Variants in STMN4 observed in about 807,000 individuals in gnomAD.
STMN4 encodes stathmin-4.
In STMN4, 12 loss-of-function variants were observed where a neutral mutation model predicts 29.1. The ratio of observed to expected loss-of-function variants is 0.41; its 90% CI spans 0.26 to 0.67. The LOEUF (loss-of-function observed/expected upper bound fraction) is 0.67, where lower values mean the gene tolerates loss of function less well. Among genes scored for constraint, STMN4 ranks in the 30% least tolerant of loss-of-function variants. STMN4 has a pLI of 0.30. For missense variants in STMN4, 181 were observed against 262.8 expected (o/e 0.69, Z 2.15); for synonymous variants, 114 against 105.3 (o/e 1.08, Z -0.51).
chr8:27,253,098 C>T (rs1801839221), intron 1 of STMN4, among the ~76,000 whole-genome samples: 1 of 152,234 alleles, frequency 6.6e-6, no homozygotes, highest in South Asian at 2.1e-4. Context: ...AGCCATGGAG[C>T]TCTCTAGAGT....
chr8:27,251,588 G>A (rs369966998), intron 1 of STMN4, among the ~76,000 whole-genome samples: 2 of 151,748 alleles, frequency 1.3e-5, no homozygotes, highest in South Asian at 4.1e-4. Flanking sequence ...TATAAATAAT[G>A]CTTTAATTAC....
chr8:27,248,149 G>T (rs1801682056), intron 1 of STMN4, among the ~76,000 whole-genome samples: 1 of 152,218 alleles, frequency 6.6e-6, no homozygotes, highest in South Asian at 2.1e-4. Context: ...AAGAGCCAAG[G>T]CCTCCCTGGG....
At chr8:27,244,260 G>T (rs1367544777) in intron 1 of STMN4, among the ~76,000 whole-genome samples, 1 of 152,220 alleles carries the variant, frequency 6.6e-6, no homozygotes, top group Admixed American at 6.5e-5. Flanking sequence ...TCTGATATGG[G>T]AAGAGAGGGA....
Position 27,243,798 on chromosome 8 carries a change from C to G in STMN4, c.-75G>C. On this transcript the variant is annotated 5_prime_UTR_variant, in exon 2 of 7. Transcript: ENST00000350889. Reference sequence around the variant, plus strand: ...TGTCACCAGCTTGGGACGCTGTCACCAACCTGAGAAAAGGGGAGGACAGGA... The same window carrying G: ...TGTCACCAGCTTGGGACGCTGTCACGAACCTGAGAAAAGGGGAGGACAGGA... 6.2e-7 allele frequency: 1 copy of G among 1,613,990 alleles called. No homozygotes were observed. Among genetic ancestry groups the G allele is most frequent in the Non-Finnish European group, 8.5e-7 (1 of 1,179,922 alleles).
rs144215780 is a variant in STMN4, at chr8:27,251,336, A to C, written c.-79+7015T>G. Reference sequence around the variant, plus strand: ...TATATATACGTATATACGTGTATATATATTATATATATACATATGCAGAAG... The same window carrying C: ...TATATATACGTATATACGTGTATATCTATTATATATATACATATGCAGAAG... On this transcript the variant is annotated intron_variant, in intron 1 of 6. Transcript: ENST00000350889. 5.9e-3 allele frequency among the ~76,000 whole-genome samples: 853 copies of C among 144,048 alleles called. 7 individuals are homozygous for C. Among genetic ancestry groups the C allele is most frequent in the African/African-American group, 0.021 (820 of 39,620 alleles). The allele number at this position is 144,048 out of a possible 152,430, so 94.5% of individuals were successfully genotyped here.
intron 1 of STMN4, 77 bp from the exon 2 acceptor site, chr8:27,243,878 T>C: frequency 7.5e-7 from 1 of 1,327,154 alleles, no homozygotes; most frequent in South Asian, 1.3e-5. Context: ...CTTTATACAC[T>C]GGGGAGGGAA....
chr8:27,255,211 T>A (rs912806982), intron 1 of STMN4, among the ~76,000 whole-genome samples: 2 of 150,000 alleles, frequency 1.3e-5, no homozygotes, highest in Non-Finnish European at 3.0e-5. Context: ...TTATACATGA[T>A]GTATGTTTAT....
intron 1 of STMN4, among the ~76,000 whole-genome samples, chr8:27,250,215 G>A (rs1801744250): frequency 6.6e-6 from 1 of 152,214 alleles, no homozygotes; most frequent in Admixed American, 6.5e-5. Context: ...TTTGCTTTGG[G>A]ATGAATCATG....
At chr8:27,252,649 A>G (rs1419452858) in intron 1 of STMN4, among the ~76,000 whole-genome samples, 1 of 152,202 alleles carries the variant, frequency 6.6e-6, no homozygotes, top group East Asian at 1.9e-4. Context: ...CACTTAATAG[A>G]TCATCAATTT....
chr8:27,245,601 G>A (rs545043238), intron 1 of STMN4, among the ~76,000 whole-genome samples: 1 of 152,312 alleles, frequency 6.6e-6, no homozygotes, highest in African/African-American at 2.4e-5. Context: ...CGACTTCCCT[G>A]GTCATGACAC....
chr8:27,244,054 T>A (rs895828108), intron 1 of STMN4, among the ~76,000 whole-genome samples: 2 of 152,306 alleles, frequency 1.3e-5, no homozygotes, highest in African/African-American at 4.8e-5. Flanking sequence ...CCCTAGCACA[T>A]GCAAGCGTGG....
At chr8:27,240,956 G>T in intron 5 of STMN4, 98 bp downstream of exon 5, 4 of 1,183,474 alleles carry the variant, frequency 3.4e-6, no homozygotes, top group Non-Finnish European at 4.7e-6. Flanking sequence ...ATTGCAGATT[G>T]GTGATGAGCT....
Position 27,241,183 on chromosome 8 carries a change from G to T in STMN4, c.270C>A (p.Ser90=). Residue 90 remains serine (S), a synonymous_variant, in exon 5 of 7, where the codon TCC becomes TCA. Transcript: ENST00000350889. The part of the protein sequence containing the change: ...IELNKCTSGQ[S]FEVILKPPSF... The stretch of plus-strand genomic sequence containing the variant: ...AGGGTGGCTTCAGGATGACTTCAAA[G>T]GATTGGCCCGAGGTGCATTTGTTCA... 6.2e-7 allele frequency: 1 copy of T among 1,614,236 alleles called. No individual in the cohort carries two copies. Among genetic ancestry groups the T allele is most frequent in the Non-Finnish European group, 8.5e-7 (1 of 1,180,048 alleles).
rs1183377790 is a variant in STMN4 at position 27,243,732 on chromosome 8, G to A, written c.-9C>T. ...CTACCAGCAAGGGTCATGTTTCTGG[G>A]ATCTGGTGGCTGAATCTAGCTGAAA... On this transcript the variant is annotated 5_prime_UTR_variant, in exon 2 of 7. Coordinates refer to ENST00000350889, the MANE Select transcript of STMN4 (RefSeq NM_030795.4). The A allele has an allele frequency of 1.9e-6, 3 of 1,614,096 alleles. No individual in the cohort carries two copies. In the African/African-American group the frequency reaches 4.0e-5, roughly 22 times the overall value.
chr8:27,246,537 C>G (rs1801628381), intron 1 of STMN4, among the ~76,000 whole-genome samples: 1 of 152,178 alleles, frequency 6.6e-6, no homozygotes, highest in Non-Finnish European at 1.5e-5. Flanking sequence ...CATCCTAACT[C>G]CTACAACCTG....
Position 27,236,611 on chromosome 8 carries a change from C to A in STMN4, c.*235G>T. On this transcript the variant is annotated 3_prime_UTR_variant, in exon 7 of 7. Transcript: ENST00000350889. ...TGAGTTCTTCTCCATCTCCCTTTCC[C>A]AAACTCTCTCCTCTCCCCTCTCCCA... 1 of 399,374 alleles carries A rather than the reference C, an allele frequency of 2.5e-6. No homozygotes were observed. The highest frequency in any genetic ancestry group is 4.4e-6 in the Non-Finnish European group (1 of 225,466). 24.7% of individuals were successfully genotyped at this position (399,374 alleles called of 1,614,324 possible). A position where few individuals can be genotyped will look rare whatever the true frequency, so the allele number is the denominator to read the frequency against.
chr8:27,241,368 A>G, intron 4 of STMN4, 106 bp from the exon 5 acceptor site: 1 of 1,354,216 alleles, frequency 7.4e-7, no homozygotes, highest in Non-Finnish European at 1.0e-6. Context: ...GCCCCAAGCA[A>G]GCTGGAGACT....
At chr8:27,241,637 A>G (rs1446259482) in intron 4 of STMN4, 40 bp downstream of exon 4, 2 of 1,611,762 alleles carry the variant, frequency 1.2e-6, no homozygotes, top group Admixed American at 3.3e-5. Context: ...AGCCCATCTG[A>G]CGCTCGGCCT....
At chr8:27,247,808 A>G (rs1010667101) in intron 1 of STMN4, among the ~76,000 whole-genome samples, 1 of 152,228 alleles carries the variant, frequency 6.6e-6, no homozygotes, top group Non-Finnish European at 1.5e-5. Context: ...CAAATCCTCA[A>G]TGGGAGATTC....
Sources: allele counts gnomAD v4.1 joint callset (sites outside exome capture counted in the v4.1 genomes callset), GRCh38; gene constraint gnomAD v4.1.1; transcripts MANE v1.5; gene names NCBI Gene and HGNC (gene_info 2026-07-23, HGNC 2026-07-21).